The following SPPL3 variants were observed in gnomAD, a reference collection of about 807,000 sequenced individuals.
SPPL3 encodes the protein signal peptide peptidase like 3.
In SPPL3, 5 loss-of-function variants were observed where a neutral mutation model predicts 42.4. That is an observed-to-expected ratio of 0.12 (90% CI 0.06 to 0.25). The LOEUF is 0.25. Among genes scored for constraint, SPPL3 ranks in the 10% least tolerant of loss-of-function variants. SPPL3 has a pLI of 1.00. For missense variants in SPPL3, 235 were observed against 489.0 expected (o/e 0.48, Z 4.90); for synonymous variants, 195 against 181.8 (o/e 1.07, Z -0.58).
intron 3 of SPPL3, among the ~76,000 whole-genome samples, chr12:120,788,053 A>G (rs1869782968): frequency 6.6e-6 from 1 of 152,150 alleles, no homozygotes; most frequent in South Asian, 2.1e-4. Context: ...GTCCAAGGGT[A>G]TTTATACTGT....
intron 1 of SPPL3, among the ~76,000 whole-genome samples, chr12:120,836,998 T>G (rs1740945635): frequency 6.6e-6 from 1 of 150,696 alleles, no homozygotes; most frequent in African/African-American, 2.4e-5. Flanking sequence ...ATTTTTTTTT[T>G]GTAACTGCAT....
At chr12:120,902,287 G>A (rs562964523) in intron 1 of SPPL3, among the ~76,000 whole-genome samples, 1 of 152,232 alleles carries the variant, frequency 6.6e-6, no homozygotes, top group South Asian at 2.1e-4. Context: ...GTTCTCTTAA[G>A]AATTATCATC....
intron 2 of SPPL3, among the ~76,000 whole-genome samples, chr12:120,795,611 A>G (rs1022860915): frequency 6.6e-6 from 1 of 151,906 alleles, no homozygotes; most frequent in African/African-American, 2.4e-5. Context: ...CTCTGTACCT[A>G]ACATGCTTTT....
intron 1 of SPPL3, among the ~76,000 whole-genome samples, chr12:120,827,970 T>C (rs1009865069): frequency 1.3e-5 from 2 of 152,156 alleles, no homozygotes; most frequent in Non-Finnish European, 2.9e-5. Context: ...GTATTTTTAG[T>C]AGAGATGGGG....
chr12:120,791,602 A>T (rs751136668), intron 2 of SPPL3, 45 bp from the exon 3 acceptor site: 9 of 1,347,742 alleles, frequency 6.7e-6, no homozygotes, highest in Non-Finnish European at 9.4e-6. Flanking sequence ...TTGCTTACAA[A>T]AGAAGGTCAG....
chr12:120,819,179 A>G (rs1284032131), intron 1 of SPPL3, among the ~76,000 whole-genome samples: 1 of 152,250 alleles, frequency 6.6e-6, no homozygotes, highest in African/African-American at 2.4e-5. Flanking sequence ...GTAATTTCTT[A>G]AAGGTTTACT....
intron 1 of SPPL3, among the ~76,000 whole-genome samples, chr12:120,888,263 A>G (rs1163338365): frequency 6.6e-6 from 1 of 152,040 alleles, no homozygotes; most frequent in Non-Finnish European, 1.5e-5. Context: ...TTTAGTAGAG[A>G]CAGGGTTTCA....
chr12:120,775,210 G>GT (rs893819192), intron 6 of SPPL3, among the ~76,000 whole-genome samples: 1 of 152,160 alleles, frequency 6.6e-6, no homozygotes, highest in African/African-American at 2.4e-5. Flanking sequence ...GAGTGCAGTG[G>GT]TGCAATCTCA....
At position 120,832,405 on chromosome 12, in the gene SPPL3, C is replaced by T. The variant is rs375650329; in HGVS notation, c.24-21519G>A. Among the ~76,000 whole-genome samples the T allele has an allele frequency of 3.8e-4, 58 of 152,288 alleles. 2 individuals carry two copies. The East Asian group carries it at 7.5e-3, about 20-fold the overall frequency. ...AGCTATTTGGGGCCAGGCACGGTGG[C>T]TCACACCTGTAATCCCAGCACTTTG... On this transcript the variant is annotated intron_variant, in intron 1 of 10. Transcript: ENST00000353487.
intron 1 of SPPL3, among the ~76,000 whole-genome samples, chr12:120,874,432 G>T: frequency 1.6e-5 from 2 of 126,152 alleles, no homozygotes; most frequent in Non-Finnish European, 3.2e-5. Context: ...CAGCCTAGAT[G>T]ACAGAGCGAG....
chr12:120,877,104 G>A (rs987085379), intron 1 of SPPL3, among the ~76,000 whole-genome samples: 1 of 151,882 alleles, frequency 6.6e-6, no homozygotes, highest in African/African-American at 2.4e-5. Context: ...ATTAGACTAC[G>A]TAGATGAAAT....
intron 1 of SPPL3, among the ~76,000 whole-genome samples, chr12:120,878,457 G>A (rs1250620575): frequency 6.6e-6 from 1 of 152,118 alleles, no homozygotes; most frequent in African/African-American, 2.4e-5. Flanking sequence ...CAAGGGATTG[G>A]GTCTCAATTC....
At chr12:120,862,271 T>C (rs1226981854) in intron 1 of SPPL3, among the ~76,000 whole-genome samples, 1 of 152,194 alleles carries the variant, frequency 6.6e-6, no homozygotes, top group East Asian at 1.9e-4. Flanking sequence ...TGACACCAAA[T>C]GTGTGGGTTT....
At chr12:120,864,945 G>A (rs113854804) in intron 1 of SPPL3, among the ~76,000 whole-genome samples, 20 of 152,272 alleles carry the variant, frequency 1.3e-4, no homozygotes, top group African/African-American at 4.8e-4. Context: ...CAATGTCTAT[G>A]AGCACACTTT....
At chr12:120,791,378 T>C (rs1869910526) in intron 3 of SPPL3, 91 bp downstream of exon 3, 2 of 852,534 alleles carry the variant, frequency 2.3e-6, no homozygotes, top group Non-Finnish European at 1.8e-6. Flanking sequence ...TCATAAATCC[T>C]TGAACCCAGT....
At chr12:120,768,242 C>T in intron 8 of SPPL3, 83 bp downstream of exon 8, 1 of 1,471,140 alleles carries the variant, frequency 6.8e-7, no homozygotes, top group Non-Finnish European at 9.1e-7. Context: ...GATCAGAATG[C>T]TGATGACATT....
intron 1 of SPPL3, among the ~76,000 whole-genome samples, chr12:120,828,587 A>G (rs185975044): frequency 2.0e-5 from 3 of 152,334 alleles, no homozygotes; most frequent in African/African-American, 7.2e-5. Context: ...TCTTGGGGAA[A>G]AAAAGTTGGA....
chr12:120,871,144 A>AAAAAAAAAAAAAAAAAAAAAAAAG (rs61249398), intron 1 of SPPL3, among the ~76,000 whole-genome samples: 1 of 142,122 alleles, frequency 7.0e-6, no homozygotes, highest in East Asian at 2.1e-4. Context: ...AAAAAAAAAA[A>AAAAAAAAAAAAAAAAAAAAAAAAG]AAAAAGAAAA....
intron 1 of SPPL3, among the ~76,000 whole-genome samples, chr12:120,831,405 CT>C (rs1871422219): frequency 6.6e-6 from 1 of 152,146 alleles, no homozygotes; most frequent in Non-Finnish European, 1.5e-5. Context: ...AGCATGTTTC[CT>C]TTTACAAAAG....
Sources: gnomAD v4.1 joint callset for allele counts (sites outside exome capture counted in the v4.1 genomes callset) on GRCh38, gnomAD v4.1.1 for gene constraint, MANE v1.5 for transcripts, NCBI Gene and HGNC (gene_info 2026-07-23, HGNC 2026-07-21) for gene names.